The following MTUS2 variants were observed in gnomAD, a reference collection of about 807,000 sequenced individuals.
The protein encoded by MTUS2 is microtubule associated scaffold protein 2, also known as microtubule-associated tumor suppressor candidate 2.
A neutral mutation model predicts 114.1 loss-of-function variants in MTUS2; 40 were observed. The observed-to-expected ratio is 0.35, with a 90% CI of 0.27 to 0.46. MTUS2 has a LOEUF of 0.46. Among genes scored for constraint, MTUS2 ranks in the 20% least tolerant of loss-of-function variants. The pLI, the probability that MTUS2 is intolerant of heterozygous loss-of-function variation, is 1.00. For missense variants in MTUS2, 1,679 were observed against 1,705.4 expected, an observed-to-expected ratio of 0.98 and a Z score of 0.27; for synonymous variants, 688 against 672.0, an observed-to-expected ratio of 1.02 and a Z score of -0.37.
chr13:29,341,423 C>T (rs1318120599), intron 7 of MTUS2, among the ~76,000 whole-genome samples: 4 of 151,936 alleles, frequency 2.6e-5, no homozygotes, highest in African/African-American at 9.7e-5. Flanking sequence ...AGCATTTTTT[C>T]ATGTTTGTTG....
intron 5 of MTUS2, among the ~76,000 whole-genome samples, chr13:29,239,013 T>A (rs758336039): frequency 2.6e-5 from 4 of 152,110 alleles, no homozygotes; most frequent in Non-Finnish European, 5.9e-5. Context: ...GCAGGATGAA[T>A]AAGTTCTGGA....
chr13:29,068,617 T>C (rs776916967), intron 4 of MTUS2, among the ~76,000 whole-genome samples: 9 of 152,110 alleles, frequency 5.9e-5, no homozygotes, highest in Non-Finnish European at 1.3e-4. Context: ...GATCAGAACA[T>C]TGGAGATGAA....
At chr13:29,113,598 A>T (rs924903200) in intron 5 of MTUS2, among the ~76,000 whole-genome samples, 1 of 152,114 alleles carries the variant, frequency 6.6e-6, no homozygotes, top group African/African-American at 2.4e-5. Flanking sequence ...AATGTTAATG[A>T]CTTTGTGTTG....
chr13:29,203,963 T>C (rs1041213469), intron 5 of MTUS2, among the ~76,000 whole-genome samples: 1 of 151,454 alleles, frequency 6.6e-6, no homozygotes, highest in Non-Finnish European at 1.5e-5. Context: ...GCTGTTACTT[T>C]TTTTTTTTTT....
chr13:29,090,341 C>T (rs1442324798), intron 4 of MTUS2, among the ~76,000 whole-genome samples: 1 of 152,180 alleles, frequency 6.6e-6, no homozygotes, highest in Non-Finnish European at 1.5e-5. Flanking sequence ...GAAAACAACA[C>T]TCTGATGGGG....
At chr13:29,399,548 C>A (rs1253522381) in intron 8 of MTUS2, among the ~76,000 whole-genome samples, 1 of 152,054 alleles carries the variant, frequency 6.6e-6, no homozygotes, top group Non-Finnish European at 1.5e-5. Flanking sequence ...GAACTGAAAT[C>A]AAAACTTAAT....
Position 29,100,981 on chromosome 13 carries a change from TG to T in MTUS2, c.2644+15del. 6.5e-7 allele frequency: 1 copy of T among 1,535,118 alleles called. No individual in the cohort carries two copies. The highest frequency in any genetic ancestry group is 8.8e-7 in the Non-Finnish European group (1 of 1,136,942). ...GCCGGCCAGCCACCCGTAAGTGGGG[TG>T]GGGCAGGGTGGGGTGCCTTCACTGA... On this transcript the variant is annotated intron_variant, in intron 5 of 15. Coordinates refer to ENST00000612955, the MANE Select transcript of MTUS2 (RefSeq NM_001033602.4).
chr13:29,273,404 T>C (rs1200838983), intron 5 of MTUS2, among the ~76,000 whole-genome samples: 1 of 152,114 alleles, frequency 6.6e-6, no homozygotes, highest in African/African-American at 2.4e-5. Context: ...AATGCAGGGA[T>C]AGGGGACAGA....
chr13:29,258,383 G>GA lies in MTUS2; in HGVS notation c.2645-23312dup, dbSNP rs113379163. Among the ~76,000 whole-genome samples, 356 of 150,694 alleles carry GA rather than the reference G, an allele frequency of 2.4e-3. 4 individuals are homozygous for GA. Among genetic ancestry groups the GA allele is most frequent in the African/African-American group, 6.9e-3 (283 of 41,062 alleles). On this transcript the variant is annotated intron_variant, in intron 5 of 15. Coordinates refer to ENST00000612955, the MANE Select transcript of MTUS2 (RefSeq NM_001033602.4). ...CAACTTTCTCTTCTGCTTCCAGGAG[G>GA]AAAAAAAAATGCTGTGCTTTTCAAG...
intron 9 of MTUS2, among the ~76,000 whole-genome samples, chr13:29,477,278 C>G (rs1467277190): frequency 6.6e-6 from 1 of 152,218 alleles, no homozygotes; most frequent in Non-Finnish European, 1.5e-5. Flanking sequence ...GTTCTATTCT[C>G]TCAACACCCA....
At chr13:29,308,571 G>C (rs1282432773) in intron 6 of MTUS2, among the ~76,000 whole-genome samples, 2 of 152,120 alleles carry the variant, frequency 1.3e-5, no homozygotes, top group Non-Finnish European at 2.9e-5. Context: ...TAATTAAAAA[G>C]AGCTTCTGCA....
At chr13:29,155,503 C>T (rs1208171037) in intron 5 of MTUS2, among the ~76,000 whole-genome samples, 3 of 152,130 alleles carry the variant, frequency 2.0e-5, no homozygotes, top group Admixed American at 1.3e-4. Flanking sequence ...GCCATGCCCT[C>T]ATGGGAAGAG....
chr13:28,934,408 T>G (rs1881781271), intron 2 of MTUS2, among the ~76,000 whole-genome samples: 1 of 152,246 alleles, frequency 6.6e-6, no homozygotes, highest in Non-Finnish European at 1.5e-5. Context: ...GCTTAGGTAC[T>G]GTTTACTAAA....
chr13:29,495,633 G>A (rs1234227715), intron 12 of MTUS2, among the ~76,000 whole-genome samples: 1 of 152,134 alleles, frequency 6.6e-6, no homozygotes, highest in Non-Finnish European at 1.5e-5. Flanking sequence ...CACTCTGGGA[G>A]GCCGAGGTGG....
intron 5 of MTUS2, among the ~76,000 whole-genome samples, chr13:29,113,905 C>T (rs1188387737): frequency 3.9e-5 from 6 of 152,106 alleles, no homozygotes; most frequent in African/African-American, 9.6e-5. Flanking sequence ...ATAATGGGGG[C>T]GGTTTTCTTA....
chr13:28,904,624 G>T (rs539198853), intron 2 of MTUS2, among the ~76,000 whole-genome samples: 156 of 152,104 alleles, frequency 1.0e-3, no homozygotes, highest in Middle Eastern at 3.4e-3. Context: ...TCTCTGTTTT[G>T]GTACCAGTAC....
At chr13:29,221,900 A>G (rs1211166781) in intron 5 of MTUS2, among the ~76,000 whole-genome samples, 1 of 152,006 alleles carries the variant, frequency 6.6e-6, no homozygotes, top group Non-Finnish European at 1.5e-5. Context: ...CCTGCAACTG[A>G]TCAACTGATT....
At chr13:29,484,188 C>T (rs1419492784) in intron 10 of MTUS2, 2 of 152,218 alleles carry the variant, frequency 1.3e-5, no homozygotes, top group Non-Finnish European at 2.9e-5. Flanking sequence ...CAGGATACAC[C>T]TTCTATGCTT....
At position 29,026,423 on chromosome 13, in the gene MTUS2, T is replaced by A. The variant is rs750645463; in HGVS notation, c.1725T>A (p.Thr575=). The change falls in exon 3 of 16, where the codon ACT becomes ACA. Residue 575 remains threonine, a synonymous_variant. Coordinates refer to ENST00000612955, the MANE Select transcript of MTUS2 (RefSeq NM_001033602.4). ...AGSPLVVPPP[T]DSARLLNTSP... ...CCCCCTTGGTAGTTCCACCCCCTAC[T>A]GATAGTGCACGCTTGTTGAACACGT... The A allele has an allele frequency of 1.2e-5, 19 of 1,613,958 alleles. No homozygotes were observed. Among genetic ancestry groups the A allele is most frequent in the Non-Finnish European group, 1.6e-5 (19 of 1,179,862 alleles).
Sources: gnomAD v4.1 joint callset for allele counts (sites outside exome capture counted in the v4.1 genomes callset) on GRCh38, gnomAD v4.1.1 for gene constraint, MANE v1.5 for transcripts, NCBI Gene and HGNC (gene_info 2026-07-23, HGNC 2026-07-21) for gene names.